LMTK2: variants seen among roughly 807,000 people sequenced by gnomAD.
The protein encoded by LMTK2 is serine/threonine-protein kinase LMTK2.
LMTK2 carries 37 observed loss-of-function variants against 127.5 expected under a neutral mutation model. The ratio of observed to expected loss-of-function variants is 0.29; its 90% CI spans 0.22 to 0.38. The LOEUF (loss-of-function observed/expected upper bound fraction) is 0.38. Ranked by LOEUF, LMTK2 falls within the 10% of genes least tolerant of loss-of-function variation. The probability of loss-of-function intolerance (pLI) is 1.00; values close to 1 mark genes in which losing one functional copy is unlikely to be tolerated. For missense variants in LMTK2, 1,694 were observed against 1,920.3 expected (o/e 0.88, Z 2.20); for synonymous variants, 819 against 810.1 (o/e 1.01, Z -0.19).
chr7:98,152,295 G>A (rs940638686), intron 4 of LMTK2, among the ~76,000 whole-genome samples: 7 of 152,210 alleles, frequency 4.6e-5, no homozygotes, highest in African/African-American at 1.7e-4. Flanking sequence ...CTGCAGTCGT[G>A]CTCTGCAAGA....
At chr7:98,125,217 G>A (rs949900411) in intron 1 of LMTK2, among the ~76,000 whole-genome samples, 2 of 151,834 alleles carry the variant, frequency 1.3e-5, no homozygotes, top group Non-Finnish European at 2.9e-5. Flanking sequence ...GCAGGAGAAT[G>A]GCATGAACCT....
At chr7:98,180,083 A>G (rs9641232) in intron 7 of LMTK2, among the ~76,000 whole-genome samples, 9,122 of 151,770 alleles carry the variant, frequency 0.06, 671 homozygotes, top group East Asian at 0.36. Flanking sequence ...TAGAGAAAAC[A>G]TAAAATGCCT....
chr7:98,121,734 C>G (rs1052461767), intron 1 of LMTK2, among the ~76,000 whole-genome samples: 5 of 152,000 alleles, frequency 3.3e-5, no homozygotes, highest in Non-Finnish European at 7.4e-5. Flanking sequence ...GGCATGGTGG[C>G]TCAGGGCTGT....
intron 1 of LMTK2, among the ~76,000 whole-genome samples, chr7:98,133,236 T>C (rs546612995): frequency 2.6e-5 from 4 of 152,198 alleles, no homozygotes; most frequent in Non-Finnish European, 5.9e-5. Context: ...TTCTTGATGT[T>C]GTTTGGTAGA....
At chr7:98,177,272 T>C (rs915542390) in intron 7 of LMTK2, among the ~76,000 whole-genome samples, 6 of 152,228 alleles carry the variant, frequency 3.9e-5, no homozygotes, top group African/African-American at 1.4e-4. Context: ...TGAAGGTGGA[T>C]AAAAACCATT....
At chr7:98,159,527 C>A (rs1353842663) in intron 6 of LMTK2, 102 bp downstream of exon 6, 1 of 771,356 alleles carries the variant, frequency 1.3e-6, no homozygotes, top group Non-Finnish European at 2.3e-6. Context: ...TCATGTCTGT[C>A]CCCCACTTGA....
At chr7:98,132,515 C>T (rs188010547) in intron 1 of LMTK2, among the ~76,000 whole-genome samples, 28 of 152,266 alleles carry the variant, frequency 1.8e-4, no homozygotes, top group African/African-American at 5.8e-4. Flanking sequence ...TCCCAAAGTG[C>T]TGAGATTACA....
intron 5 of LMTK2, 42 bp from the exon 6 acceptor site, chr7:98,159,296 A>G (rs375254180): frequency 3.9e-6 from 5 of 1,282,994 alleles, no homozygotes; most frequent in East Asian, 2.4e-5. Flanking sequence ...TGTTATTATC[A>G]TGCTTCCTGA....
intron 7 of LMTK2, among the ~76,000 whole-genome samples, chr7:98,177,874 T>C (rs548720590): frequency 1.3e-5 from 2 of 152,316 alleles, no homozygotes; most frequent in African/African-American, 4.8e-5. Flanking sequence ...TCTGTGTGCT[T>C]TATCGGAATC....
intron 1 of LMTK2, 51 bp downstream of exon 1, chr7:98,107,331 G>T: frequency 8.3e-7 from 1 of 1,208,640 alleles, no homozygotes; most frequent in Non-Finnish European, 1.1e-6. Flanking sequence ...GGCGTGGAGG[G>T]GAGGGGGCGG....
At chr7:98,128,893 A>G (rs1328871824) in intron 1 of LMTK2, among the ~76,000 whole-genome samples, 1 of 152,136 alleles carries the variant, frequency 6.6e-6, no homozygotes, top group Non-Finnish European at 1.5e-5. Flanking sequence ...AAAACACCTT[A>G]GTTAGGCAGC....
rs147111478 is a variant in LMTK2, at chr7:98,171,555, G to A, written c.672G>A (p.Ala224=). ...GACTTTTGCAGGGTGACCTGAAGGCGTATCTGCGCAGCGAGCAGGAGCACA... is the reference window on the plus strand; with the variant it reads ...GACTTTTGCAGGGTGACCTGAAGGCATATCTGCGCAGCGAGCAGGAGCACA... ...FEFCDLGDLK[A]YLRSEQEHMR... The change falls in exon 7 of 14, where the codon GCG becomes GCA. Residue 224 remains alanine, a synonymous_variant. Transcript: ENST00000297293. The surrounding 1 kb of genome is among the most constrained non-coding windows in gnomAD (Gnocchi z 5.1). 1.3e-5 allele frequency: 21 copies of A among 1,613,946 alleles called. No homozygotes were observed. The Admixed American group carries it at 1.8e-4, about 14-fold the overall frequency.
At chr7:98,197,678 C>T (rs1191490063) in intron 11 of LMTK2, among the ~76,000 whole-genome samples, 2 of 151,794 alleles carry the variant, frequency 1.3e-5, no homozygotes, top group African/African-American at 4.8e-5. Flanking sequence ...ATAATAAGAA[C>T]CGATTTTTAA....
rs1321662546 is a variant in LMTK2, at chr7:98,194,923, C to T, written c.4107+351C>T. On this transcript the variant is annotated intron_variant, in intron 11 of 13. Transcript: ENST00000297293. This position sits in a 1 kb window ranked among gnomAD's most constrained non-coding sequence, Gnocchi z 5.4. ...TGGCCCAGGCTGGAATGCAGTGGTA[C>T]AGTTGCAGCTCACTGCAGCCTTGAA... Among the ~76,000 whole-genome samples, 1 of 152,206 alleles carries T rather than the reference C, an allele frequency of 6.6e-6. No individual in the cohort carries two copies. The highest frequency in any genetic ancestry group is 1.5e-5 in the Non-Finnish European group (1 of 68,044).
At chr7:98,122,712 GTGTGTGTGTGTGTGTATA>G (rs1373247638) in intron 1 of LMTK2, among the ~76,000 whole-genome samples, 1,149 of 5,438 alleles carry the variant, frequency 0.21, 24 homozygotes, top group African/African-American at 0.24. Flanking sequence ...GTGTGTGTGT[GTGTGTGTGTGTGTGTATA>G]TATATAACTG....
intron 6 of LMTK2, among the ~76,000 whole-genome samples, chr7:98,168,931 T>G (rs1009723475): frequency 3.3e-5 from 5 of 152,206 alleles, no homozygotes; most frequent in Non-Finnish European, 7.3e-5. Context: ...GCTTTTTTCT[T>G]TAAATAATGG....
intron 7 of LMTK2, among the ~76,000 whole-genome samples, chr7:98,173,754 CAAGTT>C (rs1044723981): frequency 1.3e-5 from 2 of 152,084 alleles, no homozygotes; most frequent in Admixed American, 1.3e-4. Context: ...TTCTAAAACT[CAAGTT>C]AAAGAAAATC....
intron 7 of LMTK2, among the ~76,000 whole-genome samples, chr7:98,180,600 C>T (rs1025136607): frequency 5.3e-5 from 8 of 152,090 alleles, no homozygotes; most frequent in Non-Finnish European, 8.8e-5. Flanking sequence ...ATGCTCTTTA[C>T]CTCCCTTGTG....
rs1353299048 is a variant in LMTK2 at position 98,192,221 on chromosome 7, C to CTGT, written c.1757_1759dup (p.Leu586dup). 3.3e-6 allele frequency: 5 copies of CTGT among 1,524,376 alleles called. No individual in the cohort carries two copies. The African/African-American group carries it at 7.0e-5, about 21-fold the overall frequency. 94.4% of individuals were successfully genotyped at this position (1,524,376 alleles called of 1,614,324 possible). On this transcript the variant is annotated inframe_insertion, in exon 11 of 14. Transcript: ENST00000297293. ...TAATCCAGAAAGGACTGGCCCTGAA[C>CTGT]TGTCCCAGCTCACGGCGCTCAGGAG...
Sources: gnomAD v4.1 joint callset for allele counts (sites outside exome capture counted in the v4.1 genomes callset) on GRCh38, gnomAD v4.1.1 for gene constraint, Gnocchi (gnomAD v3.1) non-coding constraint, MANE v1.5 for transcripts, NCBI Gene and HGNC (gene_info 2026-07-23, HGNC 2026-07-21) for gene names.